Variants in CA10 observed in about 807,000 individuals in gnomAD.
CA10 encodes carbonic anhydrase 10 (inactive).
A neutral mutation model predicts 44.2 loss-of-function variants in CA10; 14 were observed. The observed-to-expected ratio is 0.32, with a 90% CI of 0.21 to 0.50. The LOEUF (loss-of-function observed/expected upper bound fraction) is 0.50. Ranked by LOEUF, CA10 falls within the 20% of genes least tolerant of loss-of-function variation. The probability of loss-of-function intolerance (pLI) is 0.99; values close to 1 mark genes in which losing one functional copy is unlikely to be tolerated. For missense variants in CA10, 350 were observed against 409.7 expected, an observed-to-expected ratio of 0.85 and a Z score of 1.26; for synonymous variants, 159 against 141.6, an observed-to-expected ratio of 1.12 and a Z score of -0.87.
intron 2 of CA10, among the ~76,000 whole-genome samples, chr17:51,993,193 T>C (rs1250304592): frequency 2.0e-5 from 3 of 152,104 alleles, no homozygotes; most frequent in Non-Finnish European, 4.4e-5. Flanking sequence ...TGGGAGCTTT[T>C]TTATGAGGCT....
intron 4 of CA10, among the ~76,000 whole-genome samples, chr17:51,743,866 C>A (rs1427199824): frequency 6.6e-6 from 1 of 152,152 alleles, no homozygotes; most frequent in Non-Finnish European, 1.5e-5. Flanking sequence ...TTAAGTTAAC[C>A]AGATTCGCGC....
chr17:51,822,692 G>A (rs889701151), intron 3 of CA10, among the ~76,000 whole-genome samples: 1 of 152,204 alleles, frequency 6.6e-6, no homozygotes, highest in African/African-American at 2.4e-5. Context: ...GTGTAGCATG[G>A]TGCACTAGAG....
chr17:51,772,525 A>G (rs1393249164), intron 3 of CA10, among the ~76,000 whole-genome samples: 1 of 152,214 alleles, frequency 6.6e-6, no homozygotes, highest in African/African-American at 2.4e-5. Context: ...TATTGACTAA[A>G]TCCTGGAGGA....
chr17:52,124,027 C>T (rs1989067940), intron 1 of CA10, among the ~76,000 whole-genome samples: 1 of 152,212 alleles, frequency 6.6e-6, no homozygotes, highest in African/African-American at 2.4e-5. Context: ...ACAGATGCTT[C>T]CTCTTGGATT....
intron 3 of CA10, among the ~76,000 whole-genome samples, chr17:51,784,364 G>T (rs1906178004): frequency 6.6e-6 from 1 of 152,218 alleles, no homozygotes; most frequent in Non-Finnish European, 1.5e-5. Flanking sequence ...AACATGGAAG[G>T]CAGTTATGCC....
chr17:51,998,767 A>C (rs1284146974), intron 2 of CA10, among the ~76,000 whole-genome samples: 1 of 152,028 alleles, frequency 6.6e-6, no homozygotes. Context: ...GTTTTAATCA[A>C]CTTATTTTGA....
chr17:51,734,184 G>T (rs915628653), intron 4 of CA10, among the ~76,000 whole-genome samples: 1 of 146,426 alleles, frequency 6.8e-6, no homozygotes, highest in Non-Finnish European at 1.5e-5. Context: ...TGGTTGGGGG[G>T]GGGGGGTTCC....
chr17:52,104,798 T>C (rs1988622283), intron 1 of CA10, among the ~76,000 whole-genome samples: 1 of 152,160 alleles, frequency 6.6e-6, no homozygotes, highest in Non-Finnish European at 1.5e-5. Context: ...CTCTCGCTAG[T>C]CTTGGCCCTG....
chr17:51,816,019 G>C (rs1020959360), intron 3 of CA10, among the ~76,000 whole-genome samples: 2 of 151,972 alleles, frequency 1.3e-5, no homozygotes, highest in African/African-American at 4.8e-5. Context: ...AGTAGATCTT[G>C]TTCATTCTTT....
intron 3 of CA10, among the ~76,000 whole-genome samples, chr17:51,864,900 G>C (rs1979475849): frequency 6.6e-6 from 1 of 152,314 alleles, no homozygotes; most frequent in Non-Finnish European, 1.5e-5. Flanking sequence ...TCCTGAGCAA[G>C]GTTTGAGGAG....
At chr17:52,026,218 C>T (rs997735570) in intron 2 of CA10, among the ~76,000 whole-genome samples, 5 of 152,158 alleles carry the variant, frequency 3.3e-5, no homozygotes, top group Admixed American at 2.0e-4. Flanking sequence ...GGGTTAGGGG[C>T]CCCATGCAGC....
intron 4 of CA10, among the ~76,000 whole-genome samples, chr17:51,725,084 T>C (rs180984116): frequency 8.0e-4 from 122 of 152,308 alleles, no homozygotes; most frequent in African/African-American, 2.8e-3. Context: ...AGGTGAAGTC[T>C]AAGGCCACAC....
At chr17:52,051,097 GAGGA>G (rs1489969041) in intron 2 of CA10, among the ~76,000 whole-genome samples, 2 of 131,436 alleles carry the variant, frequency 1.5e-5, no homozygotes, top group Non-Finnish European at 3.3e-5. Context: ...AGTGGGAAGG[GAGGA>G]AGGAAGGAAG....
At chr17:51,653,003 A>ATT (rs67259214) in intron 5 of CA10, among the ~76,000 whole-genome samples, 34 of 151,314 alleles carry the variant, frequency 2.2e-4, no homozygotes, top group Non-Finnish European at 3.7e-4. Context: ...GGTAATTAGT[A>ATT]TTTTTTTTTA....
intron 3 of CA10, among the ~76,000 whole-genome samples, chr17:51,798,681 G>T (rs990639966): frequency 7.9e-5 from 12 of 152,124 alleles, no homozygotes; most frequent in African/African-American, 2.9e-4. Flanking sequence ...GTCACTAGTG[G>T]GAAGCACAAG....
chr17:51,720,094 G>A (rs185041417), intron 4 of CA10, among the ~76,000 whole-genome samples: 5 of 152,240 alleles, frequency 3.3e-5, no homozygotes, highest in African/African-American at 1.2e-4. Flanking sequence ...TTTGGTTTTT[G>A]TCTGTGGTTC....
intron 1 of CA10, among the ~76,000 whole-genome samples, chr17:52,095,035 T>C (rs997601535): frequency 6.6e-6 from 1 of 152,162 alleles, no homozygotes; most frequent in South Asian, 2.1e-4. Flanking sequence ...TTACATCAGC[T>C]TTATTTATCA....
rs553865482 is a variant in CA10, at chr17:52,010,001, G to A, written c.136+62318C>T. Reference sequence around the variant, plus strand: ...ATGGCCAAGAAGCATATGGAAAAATGCTCCACATCACTAAATATCAGGGAA... The same window carrying A: ...ATGGCCAAGAAGCATATGGAAAAATACTCCACATCACTAAATATCAGGGAA... On this transcript the variant is annotated intron_variant, in intron 2 of 8. Transcript: ENST00000451037. Among the ~76,000 whole-genome samples the A allele has an allele frequency of 5.9e-5, 9 of 152,096 alleles. No individual in the cohort carries two copies. In the East Asian group the frequency reaches 1.4e-3, roughly 23 times the overall value.
intron 6 of CA10, among the ~76,000 whole-genome samples, chr17:51,644,576 C>A (rs1255148493): frequency 2.0e-5 from 3 of 151,952 alleles, no homozygotes; most frequent in African/African-American, 7.3e-5. Context: ...TACTCCACAC[C>A]TCTTCTTGGG....
Sources: allele counts gnomAD v4.1 joint callset (sites outside exome capture counted in the v4.1 genomes callset), GRCh38; gene constraint gnomAD v4.1.1; transcripts MANE v1.5; gene names NCBI Gene and HGNC (gene_info 2026-07-23, HGNC 2026-07-21).